Variants in PDSS1 observed in about 807,000 individuals in gnomAD.
The protein encoded by PDSS1 is all trans-polyprenyl-diphosphate synthase PDSS1.
A neutral mutation model predicts 57.5 loss-of-function variants in PDSS1; 43 were observed. The ratio of observed to expected loss-of-function variants is 0.75; its 90% CI spans 0.59 to 0.96. PDSS1 has a LOEUF of 0.96. Among genes scored for constraint, PDSS1 ranks in the 50% least tolerant of loss-of-function variants. PDSS1 has a pLI of 0.00. For missense variants in PDSS1, 438 were observed against 527.8 expected, an observed-to-expected ratio of 0.83 and a Z score of 1.67; for synonymous variants, 175 against 191.3, an observed-to-expected ratio of 0.91 and a Z score of 0.70.
intron 5 of PDSS1, among the ~76,000 whole-genome samples, chr10:26,716,422 G>A (rs753576760): frequency 1.3e-5 from 2 of 152,110 alleles, no homozygotes; most frequent in African/African-American, 2.4e-5. Flanking sequence ...TTGGCCGGGT[G>A]CGGTGGCTCA....
At chr10:26,727,160 A>C (rs1238018919) in intron 8 of PDSS1, among the ~76,000 whole-genome samples, 1 of 152,004 alleles carries the variant, frequency 6.6e-6, no homozygotes, top group African/African-American at 2.4e-5. Context: ...ACTCATGCAA[A>C]ATACATTTTG....
rs1333151007 is a variant in PDSS1 at position 26,711,567 on chromosome 10, A to G, written c.467+1799A>G. ...GACCACTTTCACTTTACCGGAAGGCAGAGCAGCAAAAACGCTCCCTCTGAG... is the reference window on the plus strand; with the variant it reads ...GACCACTTTCACTTTACCGGAAGGCGGAGCAGCAAAAACGCTCCCTCTGAG... On this transcript the variant is annotated intron_variant, in intron 5 of 11. Coordinates refer to ENST00000376215, the MANE Select transcript of PDSS1 (RefSeq NM_014317.5). Among the ~76,000 whole-genome samples, 2 of 99,384 alleles carry G rather than the reference A, an allele frequency of 2.0e-5. 1 individual carries two copies. The highest frequency in any genetic ancestry group is 4.7e-5 in the Non-Finnish European group (2 of 42,824). The allele number at this position is 99,384 out of a possible 152,430, so 65.2% of individuals were successfully genotyped here.
chr10:26,746,392 A>G lies in PDSS1; in HGVS notation c.1167A>G (p.Arg389=), dbSNP rs1293420382. The change falls in exon 12 of 12, where the codon AGA becomes AGG. Residue 389 remains arginine (R), a synonymous_variant. Transcript: ENST00000376215. ...LAQQYCHEAI[R]EISKLRPSPE... is the part of the protein sequence containing the mutation. ...AGCAGTACTGCCATGAAGCAATAAG[A>G]GAGATCAGTAAACTTCGACCATCCC... The G allele has an allele frequency of 6.2e-7, 1 of 1,614,042 alleles. No homozygotes were observed. The highest frequency in any genetic ancestry group is 8.5e-7 in the Non-Finnish European group (1 of 1,179,892).
intron 4 of PDSS1, among the ~76,000 whole-genome samples, chr10:26,709,325 C>T (rs942054758): frequency 5.9e-5 from 9 of 152,132 alleles, no homozygotes; most frequent in African/African-American, 1.7e-4. Context: ...TTTGGGAGGC[C>T]GAGGCGGGTG....
intron 2 of PDSS1, among the ~76,000 whole-genome samples, chr10:26,703,495 C>A (rs7073083): frequency 0.038 from 5,717 of 152,198 alleles, 372 homozygotes; most frequent in African/African-American, 0.13. Flanking sequence ...AAGTCTCTTA[C>A]TGAAGAAGTT....
chr10:26,701,115 G>A (rs750404122), intron 1 of PDSS1, among the ~76,000 whole-genome samples: 1 of 152,164 alleles, frequency 6.6e-6, no homozygotes, highest in Non-Finnish European at 1.5e-5. Context: ...AGAGACTGGT[G>A]GCATTTTGCC....
At chr10:26,707,403 A>G (rs73594395) in intron 4 of PDSS1, among the ~76,000 whole-genome samples, 4,813 of 152,148 alleles carry the variant, frequency 0.032, 232 homozygotes, top group African/African-American at 0.11. Flanking sequence ...GACACAGTTA[A>G]CAACTGCTTG....
At chr10:26,744,124 C>G (rs1836720707) in intron 11 of PDSS1, among the ~76,000 whole-genome samples, 1 of 152,088 alleles carries the variant, frequency 6.6e-6, no homozygotes, top group Non-Finnish European at 1.5e-5. Flanking sequence ...GCTACAAGGA[C>G]CAGTACCATC....
In PDSS1 at chr10:26,735,503, A is replaced by T. The variant is rs1347125519; in HGVS notation, c.950A>T (p.Asp317Val). The T allele has an allele frequency of 1.9e-6, 3 of 1,613,810 alleles. No individual in the cohort carries two copies. The highest frequency in any genetic ancestry group is 2.5e-6 in the Non-Finnish European group (3 of 1,179,740). Residue 317 changes from aspartate (D) to valine (V), a missense_variant, in exon 10 of 12, where the codon GAC becomes GTC. Transcript: ENST00000376215. Reference sequence around the variant, plus strand: ...GTATTGGACTTCACCTCGTGTTCTGACCAGATGGGCAAACCAACATCAGCT... The same window carrying T: ...GTATTGGACTTCACCTCGTGTTCTGTCCAGATGGGCAAACCAACATCAGCT... Reference protein sequence around the residue: ...DDVLDFTSCSDQMGKPTSADL... With the variant: ...DDVLDFTSCSVQMGKPTSADL...
At chr10:26,726,656 T>C (rs1835957001) in intron 8 of PDSS1, among the ~76,000 whole-genome samples, 1 of 152,210 alleles carries the variant, frequency 6.6e-6, no homozygotes, top group South Asian at 2.1e-4. Flanking sequence ...AGCTGCATTC[T>C]ACTAAGGATA....
intron 3 of PDSS1, 151 bp downstream of exon 3, chr10:26,704,892 G>T: frequency 1.6e-6 from 1 of 633,736 alleles, no homozygotes; most frequent in Non-Finnish European, 2.8e-6. Flanking sequence ...CCACCCTCAG[G>T]TTCCCAAAGT....
At chr10:26,726,026 G>A (rs1028788755) in intron 8 of PDSS1, among the ~76,000 whole-genome samples, 4 of 152,304 alleles carry the variant, frequency 2.6e-5, no homozygotes, top group South Asian at 4.2e-4. Flanking sequence ...CTGCAGGCAC[G>A]GGGTGGGGCG....
rs763165754 is a variant in PDSS1, at chr10:26,735,294, G to A, written c.886G>A (p.Gly296Arg). The A allele has an allele frequency of 8.1e-6, 13 of 1,612,626 alleles. No homozygotes were observed. The highest frequency in any genetic ancestry group is 1.7e-5 in the Admixed American group (1 of 60,016). Residue 296 changes from glycine to arginine, a missense_variant, in exon 9 of 12, where the codon GGA becomes AGA. Transcript: ENST00000376215. The stretch of plus-strand genomic sequence containing the variant: ...GGTGCATGAGATCGCCTATCAGTAC[G>A]GAAAAAATGTAGGAATAGCTTTTCA... ...PVVHEIAYQY[G>R]KNVGIAFQLI...
intron 10 of PDSS1, among the ~76,000 whole-genome samples, chr10:26,738,733 T>C (rs1469754653): frequency 1.3e-5 from 2 of 152,220 alleles, no homozygotes; most frequent in African/African-American, 4.8e-5. Context: ...GTGGGTTGTC[T>C]TGGAGTTTAC....
chr10:26,740,901 T>G, intron 10 of PDSS1: 1 of 310,078 alleles, frequency 3.2e-6, no homozygotes, highest in South Asian at 2.8e-5. Flanking sequence ...ATGGTGACAC[T>G]TCTAAATAGT....
At chr10:26,721,793 G>C (rs568947430) in intron 6 of PDSS1, among the ~76,000 whole-genome samples, 11 of 152,306 alleles carry the variant, frequency 7.2e-5, no homozygotes, top group African/African-American at 1.9e-4. Context: ...TAGCCCCTGT[G>C]TGTCTGCCTC....
In PDSS1 at chr10:26,722,667, G is replaced by A. The variant is rs1342959973; in HGVS notation, c.610-1139G>A. Among the ~76,000 whole-genome samples, 7 of 150,474 alleles carry A rather than the reference G, an allele frequency of 4.7e-5. No homozygotes were observed. In the South Asian group the frequency reaches 1.3e-3, roughly 27 times the overall value. ...TGCAGTGAGCCGAGGTCATGCCACT[G>A]TACTCAAGCCTGGGCAACAGAGCAA... On this transcript the variant is annotated intron_variant, in intron 6 of 11. Coordinates refer to ENST00000376215, the MANE Select transcript of PDSS1 (RefSeq NM_014317.5).
intron 6 of PDSS1, among the ~76,000 whole-genome samples, chr10:26,721,423 T>TACACACACACACACAC (rs1554795596): frequency 0.011 from 1,699 of 149,320 alleles, 16 homozygotes; most frequent in Non-Finnish European, 0.018. Flanking sequence ...GATATATGTA[T>TACACACACACACACAC]ACACACACAC....
intron 8 of PDSS1, among the ~76,000 whole-genome samples, chr10:26,727,111 T>C (rs1835979665): frequency 1.3e-5 from 2 of 152,234 alleles, no homozygotes; most frequent in South Asian, 2.1e-4. Context: ...AGATGACTTA[T>C]TTATTTACAT....
Sources: gnomAD v4.1 joint callset for allele counts (sites outside exome capture counted in the v4.1 genomes callset) on GRCh38, gnomAD v4.1.1 for gene constraint, MANE v1.5 for transcripts, NCBI Gene and HGNC (gene_info 2026-07-23, HGNC 2026-07-21) for gene names.